The following TRNT1 variants were observed in gnomAD, a reference collection of about 807,000 sequenced individuals.
The protein encoded by TRNT1 is tRNA nucleotidyl transferase 1, also known as CCA tRNA nucleotidyltransferase 1, mitochondrial.
In TRNT1, 44 loss-of-function variants were observed where a neutral mutation model predicts 45.6. The ratio of observed to expected loss-of-function variants is 0.97; its 90% CI spans 0.76 to 1.24. The LOEUF (loss-of-function observed/expected upper bound fraction) is 1.24, where lower values mean the gene tolerates loss of function less well. Ranked by LOEUF, TRNT1 falls within the 50% of genes most tolerant of loss-of-function variation. TRNT1 has a pLI of 0.00. For missense variants in TRNT1, 633 were observed against 504.4 expected (o/e 1.25, Z -2.44); for synonymous variants, 201 against 171.4 (o/e 1.17, Z -1.35).
chr3:3,149,859 G>A (rs552488124), downstream of TRNT1: 2 of 152,160 alleles, frequency 1.3e-5, no homozygotes, highest in East Asian at 3.9e-4. Flanking sequence ...AAGTAGCAAA[G>A]GACTACCAAT....
intron 3 of TRNT1, 103 bp downstream of exon 3, chr3:3,137,556 G>C (rs1327985789): frequency 9.8e-7 from 1 of 1,022,548 alleles, no homozygotes; most frequent in Non-Finnish European, 1.4e-6. Context: ...TAATAAAAAA[G>C]TCAGTCTCTT....
intron 3 of TRNT1, among the ~76,000 whole-genome samples, chr3:3,138,089 TC>T (rs1705436731): frequency 6.6e-6 from 1 of 152,250 alleles, no homozygotes; most frequent in Admixed American, 6.5e-5. Flanking sequence ...CCTGGTGCTG[TC>T]TTCCTGCTCC....
At chr3:3,142,900 A>G (rs1274582936) in intron 4 of TRNT1, among the ~76,000 whole-genome samples, 1 of 152,220 alleles carries the variant, frequency 6.6e-6, no homozygotes, top group African/African-American at 2.4e-5. Context: ...GGAGCCTTCG[A>G]AATTTGCCAT....
rs1706028501 is a variant in TRNT1 at position 3,146,497 on chromosome 3, A to C, written c.676A>C (p.Asn226His). The change falls in exon 6 of 8, where the codon AAT (asparagine) becomes CAT (histidine). Residue 226 changes from asparagine (N) to histidine (H), a missense_variant. Physicochemically the swap from Asn to His is moderately conservative, Grantham distance 68. Transcript: ENST00000251607. The stretch of plus-strand genomic sequence containing the variant: ...TGAGACTTTGGAAGCAATTGCAGAA[A>C]ATGCAAAAGGCTTGGCTGGAATATC... Reference protein sequence around the residue: ...DPETLEAIAENAKGLAGISGE... With the variant: ...DPETLEAIAEHAKGLAGISGE... The C allele has an allele frequency of 2.5e-6, 4 of 1,613,934 alleles. No homozygotes were observed. Among genetic ancestry groups the C allele is most frequent in the Middle Eastern group, 3.3e-4 (2 of 6,084 alleles).
chr3:3,134,001 T>G (rs1211959830), intron 2 of TRNT1, among the ~76,000 whole-genome samples: 2 of 152,200 alleles, frequency 1.3e-5, no homozygotes, highest in African/African-American at 4.8e-5. Context: ...TATGGTCTTT[T>G]GAATTGCTAA....
At chr3:3,135,402 G>A (rs1410723746) in intron 2 of TRNT1, among the ~76,000 whole-genome samples, 2 of 151,990 alleles carry the variant, frequency 1.3e-5, no homozygotes, top group African/African-American at 2.4e-5. Flanking sequence ...CAGTTAATGC[G>A]TAGCGTAATT....
downstream of TRNT1, chr3:3,150,153 A>G (rs546121348): frequency 2.0e-5 from 3 of 152,316 alleles, no homozygotes; most frequent in South Asian, 6.2e-4. Flanking sequence ...GTTCAAATTA[A>G]TTTTTGAAAA....
intron 3 of TRNT1, among the ~76,000 whole-genome samples, chr3:3,139,959 GCTCAAGTC>G (rs1705544114): frequency 6.6e-6 from 1 of 152,084 alleles, no homozygotes; most frequent in African/African-American, 2.4e-5. Context: ...GAACTCCTGA[GCTCAAGTC>G]ATCTGCCTGC....
intron 2 of TRNT1, chr3:3,136,526 T>G: frequency 5.3e-6 from 2 of 380,584 alleles, no homozygotes; most frequent in East Asian, 1.4e-4. Context: ...TCTGATAGTT[T>G]CATGCGTGAA....
downstream of TRNT1, chr3:3,149,344 TG>T (rs1369948605): frequency 6.6e-6 from 1 of 152,178 alleles, no homozygotes; most frequent in Non-Finnish European, 1.5e-5. Flanking sequence ...ATACTATTTC[TG>T]TATAGAAAGT....
intron 4 of TRNT1, among the ~76,000 whole-genome samples, chr3:3,142,686 T>G (rs1705732863): frequency 6.6e-6 from 1 of 152,236 alleles, no homozygotes; most frequent in Non-Finnish European, 1.5e-5. Flanking sequence ...CCCAAACGCT[T>G]ATTTTTGCTT....
At chr3:3,149,905 A>C (rs2126043989), downstream of TRNT1, 1 of 152,296 alleles carries the variant, frequency 6.6e-6, no homozygotes, top group South Asian at 2.1e-4. Flanking sequence ...GGAAGGAAGG[A>C]CCCACTAAAC....
intron 5 of TRNT1, among the ~76,000 whole-genome samples, chr3:3,145,975 C>G (rs375431794): frequency 6.8e-6 from 1 of 146,180 alleles, no homozygotes; most frequent in South Asian, 2.2e-4. Flanking sequence ...GAAGGTTTTC[C>G]TTGAAAGTAC....
chr3:3,148,585 A>AAAAT lies in TRNT1; in HGVS notation c.*435_*438dup, dbSNP rs1353740631. ...ATGTGTCAGTTCTTATCTGAATTCC[A>AAAAT]AAATAAACCTGTGCTTAAAAAAGAA... On this transcript the variant is annotated 3_prime_UTR_variant, in exon 8 of 8. Coordinates refer to ENST00000251607, the MANE Select transcript of TRNT1 (RefSeq NM_182916.3). The AAAAT allele has an allele frequency of 1.3e-5, 2 of 153,038 alleles. No homozygotes were observed. Among genetic ancestry groups the AAAAT allele is most frequent in the African/African-American group, 4.8e-5 (2 of 41,460 alleles). The allele number at this position is 153,038 out of a possible 1,614,324, so 9.5% of individuals were successfully genotyped here.
downstream of TRNT1, among the ~76,000 whole-genome samples, chr3:3,151,306 A>C (rs1706532174): frequency 6.6e-6 from 1 of 152,174 alleles, no homozygotes; most frequent in Admixed American, 6.5e-5. Context: ...TAATCTTAAG[A>C]ATTTCTTTAT....
intron 2 of TRNT1, among the ~76,000 whole-genome samples, chr3:3,134,398 C>G (rs1705200219): frequency 6.6e-6 from 1 of 152,056 alleles, no homozygotes; most frequent in African/African-American, 2.4e-5. Context: ...TCCTGAATGG[C>G]AAGGTTTTTG....
chr3:3,129,094 T>C lies in TRNT1; in HGVS notation c.54T>C (p.Ser18=), dbSNP rs774300649. 2.2e-5 allele frequency: 35 copies of C among 1,613,724 alleles called. No homozygotes were observed. Among genetic ancestry groups the C allele is most frequent in the Admixed American group, 5.0e-5 (3 of 59,990 alleles). Reference sequence around the variant, plus strand: ...GGCCAGTGCTGAACCGTAGGTGGAGTAGGCTGTGCCTTCCGAAGCAGTATC... The same window carrying C: ...GGCCAGTGCTGAACCGTAGGTGGAGCAGGCTGTGCCTTCCGAAGCAGTATC... The part of the protein sequence containing the change: ...WHRPVLNRRW[S]RLCLPKQYLF... Residue 18 remains serine, a synonymous_variant, in exon 2 of 8, where the codon AGT becomes AGC. Transcript: ENST00000251607.
At chr3:3,132,574 C>G (rs1158548266) in intron 2 of TRNT1, among the ~76,000 whole-genome samples, 1 of 91,424 alleles carries the variant, frequency 1.1e-5, no homozygotes, top group African/African-American at 4.3e-5. Context: ...GGAGATATAC[C>G]TAATGCTAGA....
intron 1 of TRNT1, among the ~76,000 whole-genome samples, chr3:3,128,550 G>A (rs2126000528): frequency 7.3e-6 from 1 of 136,344 alleles, no homozygotes; most frequent in Non-Finnish European, 1.5e-5. Context: ...AGTGAGCTGA[G>A]ATCGCGCCAC....
Sources: allele counts gnomAD v4.1 joint callset (sites outside exome capture counted in the v4.1 genomes callset), GRCh38; gene constraint gnomAD v4.1.1; transcripts MANE v1.5; gene names NCBI Gene and HGNC (gene_info 2026-07-23, HGNC 2026-07-21).